The following SLC13A1 variants were observed in gnomAD, a reference collection of about 807,000 sequenced individuals.
The protein encoded by SLC13A1 is solute carrier family 13 member 1.
A neutral mutation model predicts 70.0 loss-of-function variants in SLC13A1; 65 were observed. That is an observed-to-expected ratio of 0.93 (90% CI 0.76 to 1.14). SLC13A1 has a LOEUF of 1.14. Ranked by LOEUF, SLC13A1 falls within the 50% of genes most tolerant of loss-of-function variation. The pLI, the probability that SLC13A1 is intolerant of heterozygous loss-of-function variation, is 0.00. For missense variants in SLC13A1, 726 were observed against 717.8 expected, an observed-to-expected ratio of 1.01 and a Z score of -0.13; for synonymous variants, 275 against 250.5, an observed-to-expected ratio of 1.10 and a Z score of -0.92.
At chr7:123,179,840 A>G (rs1210190772) in intron 2 of SLC13A1, among the ~76,000 whole-genome samples, 1 of 152,166 alleles carries the variant, frequency 6.6e-6, no homozygotes, top group African/African-American at 2.4e-5. Flanking sequence ...TGGACACAGA[A>G]CCATCCAAGC....
intron 7 of SLC13A1, among the ~76,000 whole-genome samples, chr7:123,136,140 C>T (rs1585310799): frequency 6.6e-6 from 1 of 152,182 alleles, no homozygotes; most frequent in Non-Finnish European, 1.5e-5. Flanking sequence ...CCTAATTTCA[C>T]TTTTCACCAT....
intron 7 of SLC13A1, among the ~76,000 whole-genome samples, chr7:123,140,883 GA>G: frequency 6.6e-6 from 1 of 151,946 alleles, no homozygotes; most frequent in African/African-American, 2.4e-5. Context: ...AGTTTTCATT[GA>G]TTTTTTTGGT....
At chr7:123,186,599 C>G (rs1795810120) in intron 1 of SLC13A1, 1 of 389,296 alleles carries the variant, frequency 2.6e-6, no homozygotes, top group Non-Finnish European at 5.2e-6. Context: ...ATCACTACTA[C>G]TACTACCTCC....
At chr7:123,166,456 CA>C (rs1282461532) in intron 6 of SLC13A1, among the ~76,000 whole-genome samples, 2 of 151,884 alleles carry the variant, frequency 1.3e-5, no homozygotes, top group African/African-American at 4.8e-5. Flanking sequence ...AGGTTAGTTA[CA>C]TATGTATACA....
At chr7:123,119,696 AT>A (rs1039959787) in intron 12 of SLC13A1, among the ~76,000 whole-genome samples, 11 of 151,826 alleles carry the variant, frequency 7.2e-5, no homozygotes, top group South Asian at 2.1e-4. Flanking sequence ...TTTAATTATG[AT>A]TTTTGCTTAC....
At chr7:123,188,206 G>T (rs1048161973) in intron 1 of SLC13A1, among the ~76,000 whole-genome samples, 1 of 152,172 alleles carries the variant, frequency 6.6e-6, no homozygotes, top group Non-Finnish European at 1.5e-5. Context: ...CCTTAATTTG[G>T]CACTTCTCCT....
intron 7 of SLC13A1, among the ~76,000 whole-genome samples, 160 bp from the exon 8 acceptor site, chr7:123,134,689 C>T (rs1428717680): frequency 6.6e-6 from 1 of 152,164 alleles, no homozygotes; most frequent in Non-Finnish European, 1.5e-5. Flanking sequence ...TACCCCTTGT[C>T]TCCTGTCTTG....
Position 123,115,031 on chromosome 7 carries a change from A to G in SLC13A1, c.*487T>C, listed in dbSNP as rs1189124189. The G allele has an allele frequency of 6.6e-6, 1 of 152,474 alleles. No homozygotes were observed. The highest frequency in any genetic ancestry group is 1.5e-5 in the Non-Finnish European group (1 of 68,224). The allele number at this position is 152,474 out of a possible 1,614,324, so 9.4% of individuals were successfully genotyped here. ...AGATTAAACTTTTCTCTTCATCACCAGATGACCATGGCTTTGATTTCTCAG... is the reference window on the plus strand; with the variant it reads ...AGATTAAACTTTTCTCTTCATCACCGGATGACCATGGCTTTGATTTCTCAG... On this transcript the variant is annotated 3_prime_UTR_variant, in exon 15 of 15. Transcript: ENST00000194130.
Position 123,123,203 on chromosome 7 carries a change from T to C in SLC13A1, c.1273A>G (p.Lys425Glu), listed in dbSNP as rs140988025. ...CAGGGCATGAATGACTGGAATTCTT[T>C]CCAAGTAATCAGTGGAGAGTAATCA... is the stretch of plus-strand genomic sequence containing the variant. ...AFDYSPLITWKEFQSFMPWDI... is the reference protein window; with the variant it reads ...AFDYSPLITWEEFQSFMPWDI... Residue 425 changes from lysine (K) to glutamate (E), a missense_variant, in exon 12 of 15, where the codon AAA (lysine) becomes GAA (glutamate). Physicochemically the swap from Lys to Glu is moderately conservative, Grantham distance 56. Coordinates refer to ENST00000194130, the MANE Select transcript of SLC13A1 (RefSeq NM_022444.4). 5.7e-5 allele frequency: 92 copies of C among 1,613,504 alleles called. No individual in the cohort carries two copies. The African/African-American group carries it at 9.2e-4, about 16-fold the overall frequency.
At chr7:123,160,972 G>A (rs1264849878) in intron 6 of SLC13A1, among the ~76,000 whole-genome samples, 1 of 151,598 alleles carries the variant, frequency 6.6e-6, no homozygotes, top group Non-Finnish European at 1.5e-5. Flanking sequence ...AACTAATAAG[G>A]TAAAGGTCAG....
chr7:123,129,963 T>C (rs569947655), intron 8 of SLC13A1, among the ~76,000 whole-genome samples: 1 of 152,316 alleles, frequency 6.6e-6, no homozygotes, highest in African/African-American at 2.4e-5. Context: ...GATGTTTCCT[T>C]TGGCCTGCTA....
At chr7:123,184,950 A>G (rs1264665373) in intron 1 of SLC13A1, among the ~76,000 whole-genome samples, 1 of 152,028 alleles carries the variant, frequency 6.6e-6, no homozygotes, top group African/African-American at 2.4e-5. Flanking sequence ...CAGTGTTCAC[A>G]TCCTGGCCAA....
At chr7:123,127,491 A>G (rs551543057) in intron 10 of SLC13A1, among the ~76,000 whole-genome samples, 1 of 152,250 alleles carries the variant, frequency 6.6e-6, no homozygotes, top group Admixed American at 6.5e-5. Flanking sequence ...AGGGGGAAGC[A>G]TTATTTTTTA....
chr7:123,199,784 GT>G (rs1281869094), intron 1 of SLC13A1, 63 bp downstream of exon 1: 1 of 1,254,316 alleles, frequency 8.0e-7, no homozygotes, highest in Non-Finnish European at 1.2e-6. Flanking sequence ...ACAGCAAACA[GT>G]TTTAATAAAG....
chr7:123,126,484 C>A (rs10487979), intron 10 of SLC13A1, among the ~76,000 whole-genome samples: 44,165 of 151,922 alleles, frequency 0.29, 6,468 homozygotes, highest in East Asian at 0.31. Flanking sequence ...TAAAAGTCAG[C>A]AATATTAACT....
intron 13 of SLC13A1, among the ~76,000 whole-genome samples, chr7:123,118,680 A>G (rs1350944647): frequency 6.6e-6 from 1 of 152,152 alleles, no homozygotes; most frequent in African/African-American, 2.4e-5. Flanking sequence ...AATCACTTAT[A>G]TGAACCACTT....
intron 7 of SLC13A1, among the ~76,000 whole-genome samples, chr7:123,146,679 A>G (rs1794363553): frequency 6.6e-6 from 1 of 152,196 alleles, no homozygotes; most frequent in Non-Finnish European, 1.5e-5. Context: ...TGTTTGTAGA[A>G]TACTTTATTA....
chr7:123,147,342 A>G, intron 6 of SLC13A1, 32 bp from the exon 7 acceptor site: 1 of 1,608,334 alleles, frequency 6.2e-7, no homozygotes, highest in Non-Finnish European at 8.5e-7. Flanking sequence ...CTACCATGAG[A>G]ACTGCTCTAT....
intron 6 of SLC13A1, among the ~76,000 whole-genome samples, chr7:123,160,631 A>T (rs1794862693): frequency 6.6e-6 from 1 of 152,164 alleles, no homozygotes; most frequent in Non-Finnish European, 1.5e-5. Context: ...CTAATTAGTT[A>T]AAAATGTACA....
Sources: gnomAD v4.1 joint callset for allele counts (sites outside exome capture counted in the v4.1 genomes callset) on GRCh38, gnomAD v4.1.1 for gene constraint, MANE v1.5 for transcripts, NCBI Gene and HGNC (gene_info 2026-07-23, HGNC 2026-07-21) for gene names.